Variants in ALKBH3 observed in about 807,000 individuals in gnomAD.
ALKBH3 encodes alpha-ketoglutarate-dependent dioxygenase alkB homolog 3.
In ALKBH3, 51 loss-of-function variants were observed where a neutral mutation model predicts 43.9. The observed-to-expected ratio is 1.16, with a 90% confidence interval of 0.93 to 1.47. The LOEUF is 1.47. ALKBH3 is among the 40% of genes most tolerant of loss of function. The pLI, the probability that ALKBH3 is intolerant of heterozygous loss-of-function variation, is 0.00. For synonymous variants in ALKBH3, 102 were observed against 115.2 expected, an observed-to-expected ratio of 0.89 and a Z score of 0.73; for missense variants, 361 against 351.9, an observed-to-expected ratio of 1.03 and a Z score of -0.21.
Position 43,886,608 on chromosome 11 carries a change from G to A in ALKBH3, c.221G>A (p.Arg74Lys), listed in dbSNP as rs1951748396. 1 of 1,614,032 alleles carries A rather than the reference G, an allele frequency of 6.2e-7. No individual in the cohort carries two copies. Among genetic ancestry groups the A allele is most frequent in the African/African-American group, 1.3e-5 (1 of 74,936 alleles). The change falls in exon 5 of 10, where the codon AGA becomes AAA. Residue 74 changes from arginine to lysine, a missense_variant and splice_region_variant. By Grantham distance (26) the Arg-to-Lys change is conservative (BLOSUM62 2). Coordinates refer to ENST00000302708, the MANE Select transcript of ALKBH3 (RefSeq NM_139178.4). ...RRAPEPRVID[R>K]EGVYEISLSP... ...GTCTGTTTCCTTTGTTTCTTTAGCA[G>A]AGAGGGTGTGTATGAAATCAGCCTG...
intron 8 of ALKBH3, among the ~76,000 whole-genome samples, chr11:43,917,997 A>T (rs1337853606): frequency 6.6e-6 from 1 of 152,194 alleles, no homozygotes; most frequent in Non-Finnish European, 1.5e-5. Flanking sequence ...AAGTTCTCAG[A>T]AGCACCCATA....
chr11:43,913,138 A>G (rs1301764785), intron 8 of ALKBH3, among the ~76,000 whole-genome samples: 4 of 152,054 alleles, frequency 2.6e-5, no homozygotes, highest in Admixed American at 1.3e-4. Context: ...ACAGGCGACA[A>G]ACTTGGTCAT....
At chr11:43,897,042 A>G (rs1951823884) in intron 7 of ALKBH3, among the ~76,000 whole-genome samples, 2 of 152,152 alleles carry the variant, frequency 1.3e-5, no homozygotes, top group African/African-American at 4.8e-5. Flanking sequence ...CCTGGGCTCA[A>G]GCGATCCTCC....
chr11:43,891,493 AAG>A (rs1221307807), intron 6 of ALKBH3, among the ~76,000 whole-genome samples: 2 of 152,142 alleles, frequency 1.3e-5, no homozygotes, highest in Non-Finnish European at 2.9e-5. Context: ...TTATGGGAAA[AAG>A]AGTAGATCTA....
intron 7 of ALKBH3, among the ~76,000 whole-genome samples, chr11:43,894,724 T>C (rs917165394): frequency 1.3e-5 from 2 of 152,252 alleles, no homozygotes; most frequent in Non-Finnish European, 2.9e-5. Context: ...GCATCTGATC[T>C]TTATCGCTAT....
In ALKBH3 at chr11:43,899,014, TC is replaced by T. The variant is rs1196544009; in HGVS notation, c.460-2501del. 2.8e-5 allele frequency: 21 copies of T among 752,526 alleles called. No individual in the cohort carries two copies. The East Asian group carries it at 5.2e-4, about 19-fold the overall frequency. 46.6% of individuals were successfully genotyped at this position (752,526 alleles called of 1,614,324 possible). A position where few individuals can be genotyped will look rare whatever the true frequency, so the allele number is the denominator to read the frequency against. On this transcript the variant is annotated intron_variant, in intron 7 of 9. Transcript: ENST00000302708. ...GAGACCATCTACCACTCTGCAAGCA[TC>T]TTCAAAGGAGCCCCACACAAGATTC...
At chr11:43,913,238 T>A (rs1368592537) in intron 8 of ALKBH3, among the ~76,000 whole-genome samples, 1 of 152,156 alleles carries the variant, frequency 6.6e-6, no homozygotes, top group Non-Finnish European at 1.5e-5. Flanking sequence ...TATTTGCAGG[T>A]TTGTTATATA....
In ALKBH3 at chr11:43,888,128, T is replaced by C. The variant is rs1443598362; in HGVS notation, c.266+1475T>C. Among the ~76,000 whole-genome samples the C allele has an allele frequency of 3.2e-5, 3 of 93,000 alleles. 1 individual carries two copies. The highest frequency in any genetic ancestry group is 1.0e-4 in the African/African-American group (3 of 29,718). 61.0% of individuals were successfully genotyped at this position (93,000 alleles called of 152,430 possible). A position where few individuals can be genotyped will look rare whatever the true frequency, so the allele number is the denominator to read the frequency against. ...CTGTTTTTGAGACAGGGTCTGGCTC[T>C]GTCACCTAGGCTGGGGTGCAGTGGC... On this transcript the variant is annotated intron_variant, in intron 5 of 9. Transcript: ENST00000302708.
chr11:43,913,053 A>C (rs910200106), intron 8 of ALKBH3, among the ~76,000 whole-genome samples: 16 of 151,642 alleles, frequency 1.1e-4, no homozygotes, highest in African/African-American at 3.9e-4. Context: ...ATATTGATCA[A>C]TTCTTTATGA....
chr11:43,884,046 G>A (rs765448454), intron 4 of ALKBH3, 29 bp downstream of exon 4: 1 of 1,613,058 alleles, frequency 6.2e-7, no homozygotes, highest in East Asian at 2.2e-5. Flanking sequence ...TCCTGTAATT[G>A]TTGCCCACAG....
At chr11:43,896,254 A>G (rs963937939) in intron 7 of ALKBH3, among the ~76,000 whole-genome samples, 79 of 149,788 alleles carry the variant, frequency 5.3e-4, no homozygotes, top group African/African-American at 1.9e-3. Context: ...GAGGGACAGA[A>G]CTAATAGGAT....
At chr11:43,905,001 AC>A (rs1951886283) in intron 8 of ALKBH3, among the ~76,000 whole-genome samples, 1 of 152,006 alleles carries the variant, frequency 6.6e-6, no homozygotes, top group South Asian at 2.1e-4. Context: ...ATTAGCTTTG[AC>A]CCATCGGAGG....
intron 8 of ALKBH3, among the ~76,000 whole-genome samples, chr11:43,914,715 C>T (rs1241158946): frequency 6.6e-6 from 1 of 151,924 alleles, no homozygotes; most frequent in Non-Finnish European, 1.5e-5. Context: ...TGTTAAATAC[C>T]ATAAGTACAG....
chr11:43,915,934 T>G (rs1415553656), intron 8 of ALKBH3, among the ~76,000 whole-genome samples: 5 of 152,232 alleles, frequency 3.3e-5, no homozygotes, highest in Admixed American at 3.3e-4. Context: ...CACATAAACT[T>G]TCCCTCATGG....
chr11:43,898,239 C>A, intron 7 of ALKBH3: 1 of 875,314 alleles, frequency 1.1e-6, no homozygotes. Context: ...AGGAGACCCA[C>A]AAGGGTGAAA....
At chr11:43,889,702 A>G (rs1951770019) in intron 5 of ALKBH3, 23 bp from the exon 6 acceptor site, 4 of 1,603,302 alleles carry the variant, frequency 2.5e-6, no homozygotes, top group Non-Finnish European at 3.4e-6. Flanking sequence ...TTTTTTGGTT[A>G]ACAATGTTCA....
At chr11:43,889,910 C>T in intron 6 of ALKBH3, 82 bp downstream of exon 6, 4 of 1,177,092 alleles carry the variant, frequency 3.4e-6, no homozygotes, top group Non-Finnish European at 4.9e-6. Flanking sequence ...CTTCTGCTCA[C>T]CAAAGCTAGT....
At chr11:43,915,602 A>G (rs1311626244) in intron 8 of ALKBH3, among the ~76,000 whole-genome samples, 1 of 152,212 alleles carries the variant, frequency 6.6e-6, no homozygotes, top group African/African-American at 2.4e-5. Context: ...CTCCATCCTT[A>G]GTACTAGCAT....
chr11:43,893,548 A>G (rs1951798558), intron 7 of ALKBH3, among the ~76,000 whole-genome samples: 1 of 152,164 alleles, frequency 6.6e-6, no homozygotes, highest in Non-Finnish European at 1.5e-5. Context: ...ATAAACAGGA[A>G]GAATATTAAA....
Sources: gnomAD v4.1 joint callset for allele counts (sites outside exome capture counted in the v4.1 genomes callset) on GRCh38, gnomAD v4.1.1 for gene constraint, MANE v1.5 for transcripts, NCBI Gene and HGNC (gene_info 2026-07-23, HGNC 2026-07-21) for gene names.